SLC30A8: variants seen among roughly 807,000 people sequenced by gnomAD.
The protein encoded by SLC30A8 is proton-coupled zinc antiporter SLC30A8.
A neutral mutation model predicts 36.9 loss-of-function variants in SLC30A8; 27 were observed. That is an observed-to-expected ratio of 0.73 (90% CI 0.54 to 1.01). The LOEUF is 1.01. Among genes scored for constraint, SLC30A8 ranks in the 50% least tolerant of loss-of-function variants. The pLI is 0.00. For missense variants in SLC30A8, 439 were observed against 452.0 expected (o/e 0.97, Z 0.26); for synonymous variants, 164 against 172.4 (o/e 0.95, Z 0.38).
At chr8:117,159,019 G>T (rs1396868589) in intron 4 of SLC30A8, among the ~76,000 whole-genome samples, 1 of 152,204 alleles carries the variant, frequency 6.6e-6, no homozygotes, top group Non-Finnish European at 1.5e-5. Context: ...GATCAGAGAG[G>T]AGAGAAGATG....
chr8:116,991,282 C>G (rs1815633578), intron 1 of SLC30A8, among the ~76,000 whole-genome samples: 1 of 151,868 alleles, frequency 6.6e-6, no homozygotes, highest in African/African-American at 2.4e-5. Context: ...ATATGATATT[C>G]CAAACTATTT....
chr8:117,119,610 A>T (rs911909534), intron 2 of SLC30A8, among the ~76,000 whole-genome samples: 1 of 151,938 alleles, frequency 6.6e-6, no homozygotes, highest in Non-Finnish European at 1.5e-5. Flanking sequence ...ATCTGTGTGT[A>T]TGCATAATCA....
intron 2 of SLC30A8, among the ~76,000 whole-genome samples, chr8:117,108,933 T>C (rs1025564313): frequency 3.3e-5 from 5 of 152,208 alleles, no homozygotes; most frequent in Admixed American, 1.3e-4. Flanking sequence ...CACCCTTTTA[T>C]TGGAATACTT....
intron 2 of SLC30A8, among the ~76,000 whole-genome samples, chr8:117,089,961 A>G (rs1013315725): frequency 6.6e-6 from 1 of 151,398 alleles, no homozygotes; most frequent in East Asian, 1.9e-4. Flanking sequence ...TCCTGAAACA[A>G]TCTTGATAAT....
At chr8:117,117,156 G>T (rs982111672) in intron 2 of SLC30A8, among the ~76,000 whole-genome samples, 1 of 151,948 alleles carries the variant, frequency 6.6e-6, no homozygotes, top group Admixed American at 6.6e-5. Context: ...TCTGAATAAT[G>T]CAAAACCACT....
At chr8:117,091,591 C>T (rs895260273) in intron 2 of SLC30A8, among the ~76,000 whole-genome samples, 1 of 152,022 alleles carries the variant, frequency 6.6e-6, no homozygotes, top group African/African-American at 2.4e-5. Flanking sequence ...ACCCTGTGGA[C>T]CCCACAGAGC....
chr8:117,041,542 T>C (rs983763947), intron 2 of SLC30A8, among the ~76,000 whole-genome samples: 1 of 151,918 alleles, frequency 6.6e-6, no homozygotes, highest in East Asian at 1.9e-4. Flanking sequence ...TACAAAAAAT[T>C]AGCTGGGCGT....
intron 1 of SLC30A8, among the ~76,000 whole-genome samples, chr8:117,035,399 C>T (rs975979665): frequency 7.2e-5 from 11 of 152,244 alleles, no homozygotes; most frequent in Non-Finnish European, 1.2e-4. Context: ...ATCATTAAAT[C>T]TTAAAGCTCC....
chr8:117,003,613 G>A (rs1816084345), intron 1 of SLC30A8, among the ~76,000 whole-genome samples: 1 of 152,158 alleles, frequency 6.6e-6, no homozygotes, highest in Non-Finnish European at 1.5e-5. Flanking sequence ...AGGCACTATG[G>A]AACTTGGCCA....
chr8:116,993,710 G>C (rs2130669377), intron 1 of SLC30A8, among the ~76,000 whole-genome samples: 1 of 152,042 alleles, frequency 6.6e-6, no homozygotes, highest in Middle Eastern at 3.4e-3. Context: ...ATCTAAAATT[G>C]AGAACTCATT....
Position 117,084,719 on chromosome 8 carries a change from T to C in SLC30A8, c.-226+45461T>C, listed in dbSNP as rs560434904. The stretch of plus-strand genomic sequence containing the variant: ...GGGGAAGCTCAAACCCCTAAGTAGA[T>C]CCTATAATTCCAGTACAGTCTCTCC... On this transcript the variant is annotated intron_variant, in intron 2 of 10. Transcript: ENST00000427715. 1.2e-4 allele frequency among the ~76,000 whole-genome samples: 18 copies of C among 152,240 alleles called. No individual in the cohort carries two copies. The South Asian group carries it at 1.5e-3, about 12-fold the overall frequency.
intron 2 of SLC30A8, among the ~76,000 whole-genome samples, chr8:117,097,946 A>ATTT (rs1372664047): frequency 0.011 from 1,268 of 117,596 alleles, 71 homozygotes; most frequent in African/African-American, 0.032. Context: ...TATAATATAT[A>ATTT]ATTTTAAATA....
intron 2 of SLC30A8, among the ~76,000 whole-genome samples, chr8:117,065,779 G>T (rs1040638587): frequency 6.6e-6 from 1 of 152,142 alleles, no homozygotes; most frequent in Non-Finnish European, 1.5e-5. Context: ...GCTCAGTCTT[G>T]TCTGTATAGT....
intron 1 of SLC30A8, among the ~76,000 whole-genome samples, chr8:117,005,879 T>TAA (rs1386930523): frequency 6.6e-6 from 1 of 152,214 alleles, no homozygotes; most frequent in African/African-American, 2.4e-5. Flanking sequence ...GCAATAGATT[T>TAA]ACCCTCAAGT....
At chr8:117,075,604 A>C (rs569827531) in intron 2 of SLC30A8, among the ~76,000 whole-genome samples, 1 of 152,306 alleles carries the variant, frequency 6.6e-6, no homozygotes, top group African/African-American at 2.4e-5. Flanking sequence ...AGTTTGGGTG[A>C]GTTTACAATT....
chr8:117,168,065 G>A (rs1823152608), intron 6 of SLC30A8, among the ~76,000 whole-genome samples: 1 of 151,858 alleles, frequency 6.6e-6, no homozygotes, highest in Non-Finnish European at 1.5e-5. Context: ...ACTACCAGGA[G>A]AACGGTATGG....
intron 2 of SLC30A8, among the ~76,000 whole-genome samples, chr8:117,070,381 A>C (rs1239547484): frequency 6.6e-6 from 1 of 152,134 alleles, no homozygotes; most frequent in Non-Finnish European, 1.5e-5. Flanking sequence ...TGGTTCTCCT[A>C]AAGTACCTCA....
chr8:117,095,022 C>T (rs7816805), intron 2 of SLC30A8, among the ~76,000 whole-genome samples: 21,282 of 152,242 alleles, frequency 0.14, 1,583 homozygotes, highest in Non-Finnish European at 0.16. Context: ...GGCCAGGCAG[C>T]GGGAGCAGAT....
At chr8:117,035,140 A>C (rs536768889) in intron 1 of SLC30A8, among the ~76,000 whole-genome samples, 6 of 152,254 alleles carry the variant, frequency 3.9e-5, no homozygotes, top group Non-Finnish European at 7.4e-5. Flanking sequence ...AAACACAATC[A>C]TGCCTTCCCA....
Sources: gnomAD v4.1 joint callset for allele counts (sites outside exome capture counted in the v4.1 genomes callset) on GRCh38, gnomAD v4.1.1 for gene constraint, MANE v1.5 for transcripts, NCBI Gene and HGNC (gene_info 2026-07-23, HGNC 2026-07-21) for gene names.